The following MYT1L variants were observed in gnomAD, a reference collection of about 807,000 sequenced individuals.
MYT1L encodes the protein myelin transcription factor 1-like protein.
Under a neutral mutation model 126.7 loss-of-function variants are expected in MYT1L, and 12 were observed. The ratio of observed to expected loss-of-function variants is 0.09; its 90% CI spans 0.06 to 0.15. The LOEUF (loss-of-function observed/expected upper bound fraction) is 0.15. Ranked by LOEUF, MYT1L falls within the 10% of genes least tolerant of loss-of-function variation. The pLI is 1.00. For missense variants in MYT1L, 979 were observed against 1,585.2 expected, an observed-to-expected ratio of 0.62 and a Z score of 6.49; for synonymous variants, 541 against 604.2, an observed-to-expected ratio of 0.90 and a Z score of 1.53.
chr2:1,915,975 G>A (rs1258254088), intron 11 of MYT1L, among the ~76,000 whole-genome samples: 2 of 152,178 alleles, frequency 1.3e-5, no homozygotes, highest in Non-Finnish European at 2.9e-5. Flanking sequence ...CCAGCACCAA[G>A]TGTGTGCTGG....
At position 2,068,506 on chromosome 2, in the gene MYT1L, A is replaced by G. The variant is rs1036127561; in HGVS notation, c.-303-14383T>C. Among the ~76,000 whole-genome samples, 56 of 152,292 alleles carry G rather than the reference A, an allele frequency of 3.7e-4. 1 individual carries two copies. The highest frequency in any genetic ancestry group is 1.3e-3 in the African/African-American group (54 of 41,566). On this transcript the variant is annotated intron_variant, in intron 3 of 24. Coordinates refer to ENST00000647738, the MANE Select transcript of MYT1L (RefSeq NM_001303052.2). ...AGTAAACCATTTCCCTGCACATTCC[A>G]TATTAGCTAAAATTCTGAAATGCCA...
At chr2:1,839,097 CG>C in intron 21 of MYT1L, 51 bp downstream of exon 21, 1 of 1,492,138 alleles carries the variant, frequency 6.7e-7, no homozygotes, top group Non-Finnish European at 9.1e-7. Context: ...CCGTGCCAGT[CG>C]GCTCTCGGCG....
At chr2:1,851,765 C>T (rs1417657492) in intron 18 of MYT1L, 62 bp from the exon 19 acceptor site, 1 of 1,507,316 alleles carries the variant, frequency 6.6e-7, no homozygotes, top group Non-Finnish European at 9.2e-7. Context: ...GAACAATTAA[C>T]TTTTTTTTAA....
chr2:2,278,132 T>C (rs1446733264), intron 2 of MYT1L, among the ~76,000 whole-genome samples: 1 of 152,226 alleles, frequency 6.6e-6, no homozygotes, highest in Non-Finnish European at 1.5e-5. Flanking sequence ...TATGAGTTAA[T>C]GGTAGTGGCC....
chr2:1,933,915 TG>T (rs2055364692), intron 9 of MYT1L, among the ~76,000 whole-genome samples: 2 of 152,116 alleles, frequency 1.3e-5, no homozygotes, highest in Non-Finnish European at 2.9e-5. Flanking sequence ...TTTGCCATGT[TG>T]GCCAGCATGG....
intron 19 of MYT1L, among the ~76,000 whole-genome samples, chr2:1,850,023 C>T (rs571694086): frequency 1.6e-4 from 13 of 80,906 alleles, no homozygotes; most frequent in Admixed American, 4.5e-4. Flanking sequence ...CTCTAGGGGG[C>T]GGGGTGGTGA....
chr2:2,132,246 A>C (rs906696234), intron 3 of MYT1L, among the ~76,000 whole-genome samples: 7 of 152,122 alleles, frequency 4.6e-5, no homozygotes, highest in Admixed American at 4.6e-4. Flanking sequence ...GGGTCTCTTA[A>C]GAAATCGTTC....
chr2:1,995,616 G>A (rs1574326749), intron 5 of MYT1L, among the ~76,000 whole-genome samples: 1 of 152,200 alleles, frequency 6.6e-6, no homozygotes, highest in African/African-American at 2.4e-5. Context: ...GTGGTCTCTC[G>A]CTGACCACTG....
chr2:2,166,834 T>C (rs1490901552), intron 3 of MYT1L, among the ~76,000 whole-genome samples: 1 of 152,246 alleles, frequency 6.6e-6, no homozygotes, highest in Admixed American at 6.5e-5. Context: ...ATATTTTTTA[T>C]GCAAATACAA....
chr2:1,968,546 G>C (rs967107269), intron 8 of MYT1L, among the ~76,000 whole-genome samples: 1 of 152,118 alleles, frequency 6.6e-6, no homozygotes, highest in African/African-American at 2.4e-5. Flanking sequence ...TACAAGGAAC[G>C]GATCTTTTAA....
At chr2:1,981,497 T>C (rs1427682642) in intron 5 of MYT1L, among the ~76,000 whole-genome samples, 5 of 152,210 alleles carry the variant, frequency 3.3e-5, no homozygotes, top group African/African-American at 1.2e-4. Flanking sequence ...ATTGAGTGAA[T>C]GAATGAATGA....
At chr2:1,831,318 G>A (rs570625740) in intron 21 of MYT1L, among the ~76,000 whole-genome samples, 2 of 151,378 alleles carry the variant, frequency 1.3e-5, no homozygotes, top group East Asian at 3.9e-4. Context: ...ACCAAGATCT[G>A]TCTCCACCTG....
At chr2:2,139,399 C>T (rs745322590) in intron 3 of MYT1L, among the ~76,000 whole-genome samples, 2 of 151,690 alleles carry the variant, frequency 1.3e-5, no homozygotes, top group Non-Finnish European at 2.9e-5. Context: ...GTGGGTGGAT[C>T]ACCTGAGGTC....
At chr2:1,984,791 A>G (rs2163707) in intron 5 of MYT1L, among the ~76,000 whole-genome samples, 65,420 of 151,654 alleles carry the variant, frequency 0.43, 16,635 homozygotes, top group African/African-American at 0.72. Context: ...TTACAGGTGC[A>G]AGCCACCGTG....
chr2:2,255,963 G>A (rs2094799183), intron 2 of MYT1L, among the ~76,000 whole-genome samples: 1 of 152,102 alleles, frequency 6.6e-6, no homozygotes, highest in African/African-American at 2.4e-5. Flanking sequence ...TTTGCTCCCT[G>A]GTACTTTTCT....
intron 8 of MYT1L, among the ~76,000 whole-genome samples, chr2:1,954,050 CA>C (rs1351444127): frequency 6.6e-6 from 1 of 152,204 alleles, no homozygotes; most frequent in Non-Finnish European, 1.5e-5. Context: ...CTTACTAGTG[CA>C]ACACCCTCAG....
At chr2:2,094,352 A>T (rs1383161884) in intron 3 of MYT1L, among the ~76,000 whole-genome samples, 4 of 152,236 alleles carry the variant, frequency 2.6e-5, no homozygotes, top group African/African-American at 7.2e-5. Flanking sequence ...ATTGTGGAAG[A>T]CAGTGTGGCA....
At chr2:2,140,567 T>TG (rs2083819109) in intron 3 of MYT1L, among the ~76,000 whole-genome samples, 1 of 151,968 alleles carries the variant, frequency 6.6e-6, no homozygotes, top group South Asian at 2.1e-4. Flanking sequence ...CCCAAGTAGC[T>TG]GGGACTACAG....
At chr2:2,174,916 T>C (rs1490993634) in intron 2 of MYT1L, among the ~76,000 whole-genome samples, 1 of 151,970 alleles carries the variant, frequency 6.6e-6, no homozygotes, top group African/African-American at 2.4e-5. Flanking sequence ...TTTAAATCTG[T>C]TTTTTAGCAC....
Sources: gnomAD v4.1 joint callset for allele counts (sites outside exome capture counted in the v4.1 genomes callset) on GRCh38, gnomAD v4.1.1 for gene constraint, MANE v1.5 for transcripts, NCBI Gene and HGNC (gene_info 2026-07-23, HGNC 2026-07-21) for gene names.